Variants in KLHL20 observed in about 807,000 individuals in gnomAD.
KLHL20 encodes kelch like family member 20.
In KLHL20, 29 loss-of-function variants were observed where a neutral mutation model predicts 69.5. That is an observed-to-expected ratio of 0.42 (90% CI 0.31 to 0.57). The LOEUF (loss-of-function observed/expected upper bound fraction) is 0.57, where lower values mean the gene tolerates loss of function less well. Among genes scored for constraint, KLHL20 ranks in the 20% least tolerant of loss-of-function variants. The pLI, the probability that KLHL20 is intolerant of heterozygous loss-of-function variation, is 0.18. For synonymous variants in KLHL20, 253 were observed against 265.2 expected, an observed-to-expected ratio of 0.95 and a Z score of 0.45; for missense variants, 419 against 776.0, an observed-to-expected ratio of 0.54 and a Z score of 5.47.
At chr1:173,737,020 ATCT>A (rs1672569827) in intron 3 of KLHL20, among the ~76,000 whole-genome samples, 1 of 152,166 alleles carries the variant, frequency 6.6e-6, no homozygotes, top group South Asian at 2.1e-4. Flanking sequence ...CCATTTGTAT[ATCT>A]TCTTTTGAGA....
At chr1:173,762,207 C>A (rs1192224113) in intron 7 of KLHL20, among the ~76,000 whole-genome samples, 1 of 151,916 alleles carries the variant, frequency 6.6e-6, no homozygotes, top group African/African-American at 2.4e-5. Context: ...CAATAACAAG[C>A]AGCAAGATTG....
At chr1:173,781,992 T>G (rs1299108785) in intron 10 of KLHL20, 132 bp from the exon 11 acceptor site, 23 of 598,710 alleles carry the variant, frequency 3.8e-5, no homozygotes, top group Non-Finnish European at 6.6e-5. Flanking sequence ...ACATTTTCCC[T>G]GTGTTTCAGT....
intron 2 of KLHL20, 113 bp from the exon 3 acceptor site, chr1:173,733,600 A>C: frequency 1.0e-6 from 1 of 1,000,144 alleles, no homozygotes; most frequent in Non-Finnish European, 1.5e-6. Context: ...ATTTAAAAAA[A>C]AAATCACCAA....
At chr1:173,756,085 G>T in intron 6 of KLHL20, 47 bp downstream of exon 6, 3 of 1,327,016 alleles carry the variant, frequency 2.3e-6, no homozygotes, top group South Asian at 2.5e-5. Flanking sequence ...TTTCCCAGGT[G>T]AGAAACTGTC....
At chr1:173,724,780 G>A (rs1671879953) in intron 2 of KLHL20, among the ~76,000 whole-genome samples, 1 of 152,128 alleles carries the variant, frequency 6.6e-6, no homozygotes, top group African/African-American at 2.4e-5. Flanking sequence ...ATTCCAGCCT[G>A]GGTGACAGAG....
intron 2 of KLHL20, among the ~76,000 whole-genome samples, chr1:173,730,679 G>A (rs1672227124): frequency 6.6e-6 from 1 of 152,202 alleles, no homozygotes; most frequent in African/African-American, 2.4e-5. Context: ...GTAGAAACCT[G>A]AAACTGGATC....
chr1:173,746,148 T>C (rs1439203189), intron 3 of KLHL20, among the ~76,000 whole-genome samples: 1 of 152,232 alleles, frequency 6.6e-6, no homozygotes, highest in African/African-American at 2.4e-5. Context: ...CTTTGAATTA[T>C]TGGCATACAC....
chr1:173,716,217 T>A, intron 2 of KLHL20, 151 bp downstream of exon 2: 1 of 705,468 alleles, frequency 1.4e-6, no homozygotes, highest in Non-Finnish European at 2.3e-6. Flanking sequence ...TATTAAGAAT[T>A]AATAGCTTTT....
chr1:173,721,450 G>A (rs1279864096), intron 2 of KLHL20, among the ~76,000 whole-genome samples: 1 of 152,160 alleles, frequency 6.6e-6, no homozygotes, highest in Non-Finnish European at 1.5e-5. Flanking sequence ...TGAGTTCTTA[G>A]TTGTCTCTGC....
intron 2 of KLHL20, among the ~76,000 whole-genome samples, chr1:173,718,732 A>C (rs1262678634): frequency 6.6e-6 from 1 of 152,116 alleles, no homozygotes; most frequent in East Asian, 1.9e-4. Flanking sequence ...TTAAATAAAT[A>C]AATAAAAATA....
chr1:173,751,239 G>A (rs909049405), intron 3 of KLHL20, among the ~76,000 whole-genome samples: 1 of 152,044 alleles, frequency 6.6e-6, no homozygotes, highest in African/African-American at 2.4e-5. Context: ...ATAAATTATT[G>A]GTGTTTGTAG....
At position 173,786,217 on chromosome 1, in the gene KLHL20, G is replaced by C. The variant is rs1006139626; in HGVS notation, c.*970G>C. 6.6e-6 allele frequency: 1 copy of C among 152,544 alleles called. No individual in the cohort carries two copies. Among genetic ancestry groups the C allele is most frequent in the Non-Finnish European group, 1.5e-5 (1 of 68,016 alleles). The allele number at this position is 152,544 out of a possible 1,614,324, so 9.4% of individuals were successfully genotyped here. On this transcript the variant is annotated 3_prime_UTR_variant, in exon 12 of 12. Transcript: ENST00000209884. ...CTTTAATAACAGCCTCCAAGGGAAT[G>C]AATTATTCAGTTAATGTAATAGCAC...
At chr1:173,753,879 G>T (rs1223658877) in intron 5 of KLHL20, among the ~76,000 whole-genome samples, 1 of 152,190 alleles carries the variant, frequency 6.6e-6, no homozygotes. Context: ...TTACTAGGCT[G>T]TCTTTAAAGT....
At chr1:173,753,859 G>T (rs1673417837) in intron 5 of KLHL20, among the ~76,000 whole-genome samples, 1 of 152,106 alleles carries the variant, frequency 6.6e-6, no homozygotes, top group Admixed American at 6.6e-5. Flanking sequence ...GGGGAAAAAA[G>T]CAACCTATTT....
intron 2 of KLHL20, among the ~76,000 whole-genome samples, chr1:173,732,378 G>C (rs529038383): frequency 6.6e-6 from 1 of 152,204 alleles, no homozygotes; most frequent in Non-Finnish European, 1.5e-5. Flanking sequence ...ATCTGAAAAA[G>C]AGAGAGATTC....
intron 7 of KLHL20, among the ~76,000 whole-genome samples, chr1:173,761,473 C>A (rs561210998): frequency 3.3e-5 from 5 of 152,182 alleles, no homozygotes; most frequent in African/African-American, 1.2e-4. Context: ...CCAAGATAGA[C>A]CATAAGATAG....
At chr1:173,728,463 C>T (rs1171308822) in intron 2 of KLHL20, among the ~76,000 whole-genome samples, 1 of 152,190 alleles carries the variant, frequency 6.6e-6, no homozygotes, top group Non-Finnish European at 1.5e-5. Context: ...CCACACCACA[C>T]CCATTCCAAA....
intron 11 of KLHL20, 22 bp from the exon 12 acceptor site, chr1:173,785,141 G>T: frequency 6.3e-7 from 1 of 1,596,000 alleles, no homozygotes; most frequent in South Asian, 1.1e-5. Flanking sequence ...TAGAAAATAT[G>T]ATTATGTTTC....
chr1:173,765,044 A>G (rs1040990857), intron 7 of KLHL20, among the ~76,000 whole-genome samples: 16 of 152,306 alleles, frequency 1.1e-4, no homozygotes, highest in African/African-American at 3.6e-4. Context: ...TAGATACATT[A>G]ATATAACTTA....
Sources: gnomAD v4.1 joint callset for allele counts (sites outside exome capture counted in the v4.1 genomes callset) on GRCh38, gnomAD v4.1.1 for gene constraint, MANE v1.5 for transcripts, NCBI Gene and HGNC (gene_info 2026-07-23, HGNC 2026-07-21) for gene names.